PKD2: variants seen among roughly 807,000 people sequenced by gnomAD.
PKD2 encodes polycystin 2, transient receptor potential cation channel, also known as polycystin-2.
Under a neutral mutation model 105.9 loss-of-function variants are expected in PKD2, and 48 were observed. The ratio of observed to expected loss-of-function variants is 0.45; its 90% CI spans 0.36 to 0.58. The LOEUF (loss-of-function observed/expected upper bound fraction) is 0.58. Among genes scored for constraint, PKD2 ranks in the 20% least tolerant of loss-of-function variants. The probability of loss-of-function intolerance (pLI) is 0.00; values close to 1 mark genes in which losing one functional copy is unlikely to be tolerated. For synonymous variants in PKD2, 464 were observed against 481.1 expected (o/e 0.96, Z 0.46); for missense variants, 1,078 against 1,255.3 (o/e 0.86, Z 2.13).
chr4:88,045,973 C>T (rs1727750796), intron 5 of PKD2, among the ~76,000 whole-genome samples: 1 of 151,988 alleles, frequency 6.6e-6, no homozygotes, highest in East Asian at 1.9e-4. Context: ...TTCATGTTGC[C>T]TAGTAGAAGG....
At position 88,038,365 on chromosome 4, in the gene PKD2, C is replaced by T. The variant is rs749004212; in HGVS notation, c.958C>T (p.Arg320Ter). The T allele has an allele frequency of 1.9e-6, 3 of 1,613,902 alleles. No individual in the cohort carries two copies. The highest frequency in any genetic ancestry group is 2.7e-5 in the African/African-American group (2 of 74,922). The change falls in exon 4 of 15, where the codon CGA becomes TGA. Residue 320 changes from arginine (R) to a stop codon, truncating the protein, a stop_gained. Coordinates refer to ENST00000237596, the MANE Select transcript of PKD2 (RefSeq NM_000297.4). LOFTEE classifies it high-confidence loss of function. The part of the protein sequence containing the change: ...FYENLLLGVP[R>*]IRQLRVRNGS... ...TGAGAACCTGCTGTTAGGGGTTCCA[C>T]GAATACGGCAACTCCGAGTCAGAAA...
chr4:88,011,328 T>C (rs910087611), intron 1 of PKD2, among the ~76,000 whole-genome samples: 5 of 147,398 alleles, frequency 3.4e-5, no homozygotes, highest in Non-Finnish European at 7.5e-5. Context: ...TTCTTGGGCT[T>C]TTTTTTTTTT....
At chr4:88,009,564 A>G (rs1468272234) in intron 1 of PKD2, among the ~76,000 whole-genome samples, 2 of 152,150 alleles carry the variant, frequency 1.3e-5, no homozygotes, top group Non-Finnish European at 2.9e-5. Flanking sequence ...GAGTTAAGAC[A>G]TAAAATGTGC....
intron 14 of PKD2, 64 bp from the exon 15 acceptor site, chr4:88,075,394 C>A: frequency 8.7e-7 from 1 of 1,145,624 alleles, no homozygotes; most frequent in South Asian, 1.2e-5. Context: ...ATTATTTGGT[C>A]CCTGGACTTC....
chr4:88,038,172 G>T (rs1727408555), intron 3 of PKD2, 79 bp from the exon 4 acceptor site: 7 of 1,434,486 alleles, frequency 4.9e-6, no homozygotes, highest in Non-Finnish European at 6.9e-6. Flanking sequence ...CCAAATGCTT[G>T]GTTATGCAAA....
At chr4:88,020,683 CTT>C (rs746448717) in intron 2 of PKD2, among the ~76,000 whole-genome samples, 116 of 137,880 alleles carry the variant, frequency 8.4e-4, no homozygotes, top group Admixed American at 1.0e-3. Context: ...AAAAGGTTTC[CTT>C]TTTTTTTTTT....
Position 88,043,270 on chromosome 4 carries a change from A to G in PKD2, c.1132A>G (p.Ser378Gly), listed in dbSNP as rs1727644487. ...AAGTGAAAAAGACTTGAATGGTAGT[A>G]GCCACTGGGGAATCATTGCAACTTA... Reference protein sequence around the residue: ...YTSEKDLNGSSHWGIIATYSG... With the variant: ...YTSEKDLNGSGHWGIIATYSG... Residue 378 changes from serine to glycine, a missense_variant, in exon 5 of 15, where the codon AGC (serine) becomes GGC (glycine). Ser to Gly is a moderately conservative substitution (Grantham distance 56). Transcript: ENST00000237596. 6.2e-7 allele frequency: 1 copy of G among 1,612,944 alleles called. No individual in the cohort carries two copies. The highest frequency in any genetic ancestry group is 8.5e-7 in the Non-Finnish European group (1 of 1,178,972).
intron 13 of PKD2, among the ~76,000 whole-genome samples, chr4:88,068,266 C>T (rs947980891): frequency 3.9e-5 from 6 of 152,046 alleles, no homozygotes; most frequent in Admixed American, 2.0e-4. Context: ...GTCAGAAGTT[C>T]GAGACGAGCC....
intron 4 of PKD2, among the ~76,000 whole-genome samples, chr4:88,040,680 G>A (rs778525667): frequency 6.6e-6 from 1 of 152,144 alleles, no homozygotes; most frequent in South Asian, 2.1e-4. Context: ...ACAAATCTCA[G>A]TTTTTATCCC....
chr4:88,043,210 T>G, intron 4 of PKD2, 23 bp from the exon 5 acceptor site: 1 of 1,442,642 alleles, frequency 6.9e-7, no homozygotes, highest in Non-Finnish European at 9.8e-7. Context: ...AACTGTTTGT[T>G]TTTTGGTTTT....
chr4:88,028,047 AAAG>A (rs1487818303), intron 2 of PKD2, among the ~76,000 whole-genome samples: 4 of 152,244 alleles, frequency 2.6e-5, no homozygotes, highest in African/African-American at 9.6e-5. Context: ...AGTAGTATCC[AAAG>A]AAGTAATGAA....
chr4:88,027,430 G>A (rs1405682313), intron 2 of PKD2, among the ~76,000 whole-genome samples: 1 of 152,180 alleles, frequency 6.6e-6, no homozygotes, highest in Non-Finnish European at 1.5e-5. Flanking sequence ...TTTGGAATGG[G>A]AACATATACC....
At chr4:88,042,767 C>G (rs890555171) in intron 4 of PKD2, among the ~76,000 whole-genome samples, 1 of 152,200 alleles carries the variant, frequency 6.6e-6, no homozygotes, top group African/African-American at 2.4e-5. Flanking sequence ...GAAGAAGCAT[C>G]TGTTTTCTAA....
intron 2 of PKD2, among the ~76,000 whole-genome samples, chr4:88,031,612 A>T (rs1460365588): frequency 6.6e-6 from 1 of 152,190 alleles, no homozygotes; most frequent in Non-Finnish European, 1.5e-5. Flanking sequence ...GGTTATTAAG[A>T]GAGGGAAAAA....
At chr4:88,034,654 G>A (rs1315451596) in intron 2 of PKD2, among the ~76,000 whole-genome samples, 1 of 132,002 alleles carries the variant, frequency 7.6e-6, no homozygotes, top group Non-Finnish European at 1.6e-5. Context: ...GGCAACAACA[G>A]TGAAACTCCG....
intron 4 of PKD2, among the ~76,000 whole-genome samples, chr4:88,042,358 T>C (rs948174213): frequency 1.3e-5 from 2 of 152,216 alleles, no homozygotes; most frequent in Admixed American, 6.5e-5. Context: ...TTACTCACTA[T>C]CATGAGACCA....
At chr4:88,033,013 A>T (rs896822297) in intron 2 of PKD2, among the ~76,000 whole-genome samples, 1 of 152,168 alleles carries the variant, frequency 6.6e-6, no homozygotes, top group Non-Finnish European at 1.5e-5. Flanking sequence ...TTTAGCTGCC[A>T]CCTGCATGGG....
At position 88,068,107 on chromosome 4, in the gene PKD2, A is replaced by T. The variant is rs1720865119; in HGVS notation, c.2522+46A>T. The T allele has an allele frequency of 6.2e-6, 9 of 1,454,154 alleles. No individual in the cohort carries two copies. In the East Asian group the frequency reaches 2.0e-4, roughly 33 times the overall value. 90.1% of individuals were successfully genotyped at this position (1,454,154 alleles called of 1,614,324 possible). On this transcript the variant is annotated intron_variant, in intron 13 of 14. Coordinates refer to ENST00000237596, the MANE Select transcript of PKD2 (RefSeq NM_000297.4). ...AGAATTTGCGTTGACAAGAGTCCAC[A>T]TGAGACCAGGCAGTTCCCTCATCTC...
intron 10 of PKD2, among the ~76,000 whole-genome samples, chr4:88,063,709 C>G (rs1040816961): frequency 1.3e-5 from 2 of 151,712 alleles, no homozygotes; most frequent in African/African-American, 4.8e-5. Flanking sequence ...AGATATGGAG[C>G]CAGAAGAACT....
Sources: gnomAD v4.1 joint callset for allele counts (sites outside exome capture counted in the v4.1 genomes callset) on GRCh38, gnomAD v4.1.1 for gene constraint, MANE v1.5 for transcripts, NCBI Gene and HGNC (gene_info 2026-07-23, HGNC 2026-07-21) for gene names.